Variants in GRIA2 observed in about 807,000 individuals in gnomAD.
The protein encoded by GRIA2 is glutamate receptor 2.
GRIA2 carries 14 observed loss-of-function variants against 97.3 expected under a neutral mutation model. That is an observed-to-expected ratio of 0.14 (90% CI 0.10 to 0.23). GRIA2 has a LOEUF of 0.23. GRIA2 is among the 10% of genes least tolerant of loss of function. GRIA2 has a pLI of 1.00. For synonymous variants in GRIA2, 412 were observed against 387.8 expected (o/e 1.06, Z -0.73); for missense variants, 558 against 1,069.8 (o/e 0.52, Z 6.67).
At chr4:157,351,891 A>T (rs1364550518) in intron 12 of GRIA2, among the ~76,000 whole-genome samples, 1 of 152,204 alleles carries the variant, frequency 6.6e-6, no homozygotes, top group Non-Finnish European at 1.5e-5. Context: ...AGCCATGCTG[A>T]ACTGTGAGAG....
At chr4:157,266,834 G>A (rs774144587) in intron 2 of GRIA2, among the ~76,000 whole-genome samples, 9 of 151,880 alleles carry the variant, frequency 5.9e-5, no homozygotes, top group East Asian at 1.9e-4. Context: ...TGAAGTTGGC[G>A]GATTGCTTGA....
At chr4:157,288,641 C>T (rs1732954729) in intron 2 of GRIA2, among the ~76,000 whole-genome samples, 1 of 151,586 alleles carries the variant, frequency 6.6e-6, no homozygotes, top group Admixed American at 6.6e-5. Context: ...TTTCAAAATT[C>T]AGGGAAGTTG....
intron 12 of GRIA2, among the ~76,000 whole-genome samples, chr4:157,356,445 A>G (rs1380588421): frequency 6.6e-6 from 1 of 151,772 alleles, no homozygotes; most frequent in Non-Finnish European, 1.5e-5. Context: ...GTTTATTTTA[A>G]AAGTGTGTAT....
chr4:157,247,917 G>A (rs1730803142), intron 2 of GRIA2, among the ~76,000 whole-genome samples: 1 of 152,006 alleles, frequency 6.6e-6, no homozygotes, highest in African/African-American at 2.4e-5. Context: ...TGGATTACAA[G>A]ACAGACGCCT....
intron 2 of GRIA2, among the ~76,000 whole-genome samples, chr4:157,222,763 C>G (rs1729562513): frequency 6.6e-6 from 1 of 152,194 alleles, no homozygotes; most frequent in Non-Finnish European, 1.5e-5. Flanking sequence ...TGCTCCGGGA[C>G]TCGCTGGGAA....
intron 6 of GRIA2, among the ~76,000 whole-genome samples, chr4:157,332,613 T>A (rs1312506602): frequency 2.0e-5 from 3 of 151,472 alleles, no homozygotes; most frequent in Non-Finnish European, 4.4e-5. Context: ...TAATAGAAAA[T>A]GTTTAGAGTC....
intron 2 of GRIA2, among the ~76,000 whole-genome samples, chr4:157,222,471 T>G: frequency 1.4e-5 from 2 of 144,904 alleles, no homozygotes; most frequent in South Asian, 2.4e-4. Flanking sequence ...CCGGGTGGCG[T>G]GGGGGTGGGG....
chr4:157,322,248 T>A lies in GRIA2; in HGVS notation c.882+649T>A, dbSNP rs1315627258. On this transcript the variant is annotated intron_variant, in intron 6 of 15. Coordinates refer to ENST00000264426, the MANE Select transcript of GRIA2 (RefSeq NM_001083619.3). ...GTGAGAAAGAGAGAGAGAGAGTGTGTGTGTGTGTGTGTGTGTGTGTGTGTG... is the reference window on the plus strand; with the variant it reads ...GTGAGAAAGAGAGAGAGAGAGTGTGAGTGTGTGTGTGTGTGTGTGTGTGTG... Among the ~76,000 whole-genome samples, 935 of 110,992 alleles carry A rather than the reference T, an allele frequency of 8.4e-3. 7 individuals are homozygous for A. The highest frequency in any genetic ancestry group is 0.025 in the African/African-American group (786 of 31,228). 72.8% of individuals were successfully genotyped at this position (110,992 alleles called of 152,430 possible).
intron 12 of GRIA2, among the ~76,000 whole-genome samples, chr4:157,359,066 T>C (rs1736521331): frequency 6.6e-6 from 1 of 152,152 alleles, no homozygotes; most frequent in South Asian, 2.1e-4. Flanking sequence ...AAGCAGACAT[T>C]CAAATGCTTT....
intron 2 of GRIA2, among the ~76,000 whole-genome samples, chr4:157,265,533 G>A (rs951046105): frequency 2.0e-5 from 3 of 152,090 alleles, no homozygotes; most frequent in African/African-American, 7.2e-5. Flanking sequence ...GAAAACACAT[G>A]CTGCCAGTCT....
intron 2 of GRIA2, among the ~76,000 whole-genome samples, chr4:157,300,096 G>C (rs1733548783): frequency 6.6e-6 from 1 of 151,806 alleles, no homozygotes; most frequent in Non-Finnish European, 1.5e-5. Context: ...TAGTCTCGGT[G>C]GTAGTAAACC....
At chr4:157,331,219 C>G (rs767162446) in intron 6 of GRIA2, among the ~76,000 whole-genome samples, 9 of 151,960 alleles carry the variant, frequency 5.9e-5, no homozygotes, top group Middle Eastern at 3.2e-3. Context: ...TGTGCATGCT[C>G]TGAATCATAT....
At chr4:157,227,124 G>T (rs62331519) in intron 2 of GRIA2, among the ~76,000 whole-genome samples, 11,380 of 152,176 alleles carry the variant, frequency 0.075, 547 homozygotes, top group Non-Finnish European at 0.1. Context: ...AAACTATAGA[G>T]GCTTAAATTA....
intron 2 of GRIA2, among the ~76,000 whole-genome samples, chr4:157,284,004 A>G (rs1254228176): frequency 6.6e-6 from 1 of 151,962 alleles, no homozygotes; most frequent in African/African-American, 2.4e-5. Context: ...CAGCATTAAT[A>G]TAGTAAATTC....
intron 2 of GRIA2, among the ~76,000 whole-genome samples, chr4:157,245,104 A>G (rs1429137508): frequency 6.6e-6 from 1 of 152,092 alleles, no homozygotes; most frequent in Non-Finnish European, 1.5e-5. Context: ...ATCTACACAC[A>G]GTAAATGAGG....
intron 2 of GRIA2, among the ~76,000 whole-genome samples, chr4:157,295,898 A>G (rs1406302168): frequency 6.6e-6 from 1 of 152,144 alleles, no homozygotes; most frequent in Non-Finnish European, 1.5e-5. Context: ...AACTTTAACA[A>G]TTTATTTCAA....
At chr4:157,319,035 T>C (rs1041851131) in intron 5 of GRIA2, among the ~76,000 whole-genome samples, 13 of 152,196 alleles carry the variant, frequency 8.5e-5, no homozygotes, top group African/African-American at 3.1e-4. Flanking sequence ...GCTATTGGGT[T>C]GCTCAAGACA....
intron 2 of GRIA2, among the ~76,000 whole-genome samples, chr4:157,282,995 A>T (rs530505638): frequency 6.6e-6 from 1 of 152,246 alleles, no homozygotes; most frequent in African/African-American, 2.4e-5. Flanking sequence ...AATATGGTGG[A>T]AAAATCAGTG....
At chr4:157,328,155 T>C (rs964981938) in intron 6 of GRIA2, among the ~76,000 whole-genome samples, 1 of 152,090 alleles carries the variant, frequency 6.6e-6, no homozygotes, top group Non-Finnish European at 1.5e-5. Context: ...TATCACACCA[T>C]TAAAAATAAA....
Sources: allele counts gnomAD v4.1 joint callset (sites outside exome capture counted in the v4.1 genomes callset), GRCh38; gene constraint gnomAD v4.1.1; transcripts MANE v1.5; gene names NCBI Gene and HGNC (gene_info 2026-07-23, HGNC 2026-07-21).